Variants in ZNF646 observed in about 807,000 individuals in gnomAD.
The protein encoded by ZNF646 is zinc finger protein 646.
A neutral mutation model predicts 115.4 loss-of-function variants in ZNF646; 49 were observed. That is an observed-to-expected ratio of 0.42 (90% CI 0.34 to 0.54). The LOEUF is 0.54. Among genes scored for constraint, ZNF646 ranks in the 20% least tolerant of loss-of-function variants. The pLI is 0.04. For missense variants in ZNF646, 2,269 were observed against 2,457.9 expected, an observed-to-expected ratio of 0.92 and a Z score of 1.62; for synonymous variants, 933 against 939.0, an observed-to-expected ratio of 0.99 and a Z score of 0.12.
rs2057089211 is a variant in ZNF646, at chr16:31,077,242, C to G, written c.918C>G (p.Pro306=). ...CPHCPRVFRL[P]RELLEHQQSH... ...ACTGCCCCCGTGTCTTCCGGCTCCC[C>G]CGGGAGCTGCTGGAACACCAGCAGT... Residue 306 remains proline, a synonymous_variant, in exon 2 of 3, where the codon CCC becomes CCG. Transcript: ENST00000300850. The G allele has an allele frequency of 1.9e-6, 3 of 1,614,152 alleles. No homozygotes were observed. Among genetic ancestry groups the G allele is most frequent in the Admixed American group, 1.7e-5 (1 of 60,028 alleles).
In ZNF646 at chr16:31,080,566, G is replaced by A; in HGVS notation, c.4242G>A (p.Gln1414=). 6.2e-7 allele frequency: 1 copy of A among 1,614,106 alleles called. No individual in the cohort carries two copies. ...GTGAGGCGAACCTGACTGGCAGCCA[G>A]GGACTAGAGACCCAATTGGGTGGTG... is the stretch of plus-strand genomic sequence containing the variant. ...AASEANLTGS[Q]GLETQLGGAE... Residue 1414 remains glutamine (Q), a synonymous_variant, in exon 2 of 3, where the codon CAG becomes CAA. Transcript: ENST00000300850.
chr16:31,080,359 G>A lies in ZNF646; in HGVS notation c.4035G>A (p.Gln1345=). 6.2e-7 allele frequency: 1 copy of A among 1,613,554 alleles called. No individual in the cohort carries two copies. Among genetic ancestry groups the A allele is most frequent in the Non-Finnish European group, 8.5e-7 (1 of 1,179,910 alleles). Residue 1345 remains glutamine (Q), a synonymous_variant, in exon 2 of 3, where the codon CAG becomes CAA. Transcript: ENST00000300850. ...YSNRMALKDH[Q]RLHSENRRRR... ...ACCGCATGGCCCTGAAGGACCACCA[G>A]AGGCTGCACTCAGAGAATCGGCGGC...
Position 31,078,538 on chromosome 16 carries a change from A to G in ZNF646, c.2214A>G (p.Lys738=). The change falls in exon 2 of 3, where the codon AAA becomes AAG. Residue 738 remains lysine, a synonymous_variant. Transcript: ENST00000300850. The part of the protein sequence containing the change: ...DCLQAESEGD[K]CGLERDETHF... ...TGCAGGCTGAATCTGAAGGGGACAA[A>G]TGTGGGCTTGAGAGGGATGAGACCC... is the stretch of plus-strand genomic sequence containing the variant. The G allele has an allele frequency of 6.3e-7, 1 of 1,599,930 alleles. No homozygotes were observed. Among genetic ancestry groups the G allele is most frequent in the Admixed American group, 1.7e-5 (1 of 59,508 alleles).
At position 31,077,591 on chromosome 16, in the gene ZNF646, C is replaced by A; in HGVS notation, c.1267C>A (p.His423Asn). The A allele has an allele frequency of 6.2e-7, 1 of 1,613,626 alleles. No homozygotes were observed. The highest frequency in any genetic ancestry group is 8.5e-7 in the Non-Finnish European group (1 of 1,179,856). ...TGCCCTCAAAAACCATGTGCGGGCTCATCACAGGCCCAGGCAAGGAGTTGG... is the reference window on the plus strand; with the variant it reads ...TGCCCTCAAAAACCATGTGCGGGCTAATCACAGGCCCAGGCAAGGAGTTGG... ...AAALKNHVRAHHRPRQGVGEN... is the reference protein window; with the variant it reads ...AAALKNHVRANHRPRQGVGEN... Residue 423 changes from histidine (H) to asparagine (N), a missense_variant, in exon 2 of 3, where the codon CAT becomes AAT. Coordinates refer to ENST00000300850, the MANE Select transcript of ZNF646 (RefSeq NM_014699.4).
rs963438931 is a variant in ZNF646, at chr16:31,083,504, T to A, written c.*412T>A. 2 of 1,334,184 alleles carry A rather than the reference T, an allele frequency of 1.5e-6. No homozygotes were observed. Among genetic ancestry groups the A allele is most frequent in the Non-Finnish European group, 1.9e-6 (2 of 1,038,662 alleles). The allele number at this position is 1,334,184 out of a possible 1,614,324, so 82.6% of individuals were successfully genotyped here. A position where few individuals can be genotyped will look rare whatever the true frequency, so the allele number is the denominator to read the frequency against. The stretch of plus-strand genomic sequence containing the variant: ...TGCTGCCCCCCAAAAAAAGAAATTT[T>A]CAAAACAACGTGGCTGGCGTGATTG... On this transcript the variant is annotated 3_prime_UTR_variant, in exon 3 of 3. Coordinates refer to ENST00000300850, the MANE Select transcript of ZNF646 (RefSeq NM_014699.4).
rs1364662244 is a variant in ZNF646, at chr16:31,074,588, AG to A, written c.-122del. 1 of 151,956 alleles carries A rather than the reference AG, an allele frequency of 6.6e-6. No individual in the cohort carries two copies. Among genetic ancestry groups the A allele is most frequent in the Non-Finnish European group, 1.5e-5 (1 of 68,058 alleles). 9.4% of individuals were successfully genotyped at this position (151,956 alleles called of 1,614,324 possible). On this transcript the variant is annotated 5_prime_UTR_variant, in exon 1 of 3. Coordinates refer to ENST00000300850, the MANE Select transcript of ZNF646 (RefSeq NM_014699.4). ...GAGTGTGCGTGTGTGGGAGCGCGAG[AG>A]CCCCCCGACAGCCACCCCTTGGGGC...
chr16:31,081,641 C>T lies in ZNF646; in HGVS notation c.5317C>T (p.Arg1773Ter), dbSNP rs149713496. ...CCATTGTCCCCGCCACTTCCGCCGC[C>T]GAATCAGCTTCGTGCAGCACCAGCA... ...CPHCPRHFRR[R>*]ISFVQHQQQH... The change falls in exon 2 of 3, where the codon CGA becomes TGA. Residue 1773 changes from arginine (R) to a stop codon, truncating the protein, a stop_gained. Coordinates refer to ENST00000300850, the MANE Select transcript of ZNF646 (RefSeq NM_014699.4). LOFTEE classifies it high-confidence loss of function. The T allele has an allele frequency of 8.1e-6, 13 of 1,608,116 alleles. No individual in the cohort carries two copies. The highest frequency in any genetic ancestry group is 2.2e-5 in the East Asian group (1 of 44,758).
chr16:31,079,407 C>G lies in ZNF646; in HGVS notation c.3083C>G (p.Ala1028Gly). 1 of 1,614,074 alleles carries G rather than the reference C, an allele frequency of 6.2e-7. No homozygotes were observed. The change falls in exon 2 of 3, where the codon GCA becomes GGA. Residue 1028 changes from alanine to glycine, a missense_variant. Ala to Gly is a moderately conservative substitution (Grantham distance 60). Around this residue, in one of 5 missense-constraint regions of ZNF646, gnomAD observed 1,062 missense variants for 1,172.8 expected, o/e 0.91. Coordinates refer to ENST00000300850, the MANE Select transcript of ZNF646 (RefSeq NM_014699.4). The surrounding 1 kb of genome is among the most constrained non-coding windows in gnomAD (Gnocchi z 5.5). ...GGAGATGCCAAGTCTCAAGAGGGAGCAGGCACCCCCTTGGGAGACAGCCTC... is the reference window on the plus strand; with the variant it reads ...GGAGATGCCAAGTCTCAAGAGGGAGGAGGCACCCCCTTGGGAGACAGCCTC... ...EGGDAKSQEGAGTPLGDSLCI... is the reference protein window; with the variant it reads ...EGGDAKSQEGGGTPLGDSLCI...
chr16:31,080,041 C>T lies in ZNF646; in HGVS notation c.3717C>T (p.Phe1239=), dbSNP rs759059801. ...GCTGTCAGGCCTGCTCCAAGGGCTT[C>T]TCAAACCTCATGTCCCTCAAGAACC... ...HFGCQACSKG[F]SNLMSLKNHR... The change falls in exon 2 of 3, where the codon TTC becomes TTT. Residue 1239 remains phenylalanine (F), a synonymous_variant. Coordinates refer to ENST00000300850, the MANE Select transcript of ZNF646 (RefSeq NM_014699.4). The T allele has an allele frequency of 6.2e-7, 1 of 1,609,894 alleles. No homozygotes were observed. The highest frequency in any genetic ancestry group is 8.5e-7 in the Non-Finnish European group (1 of 1,177,302).
In ZNF646 at chr16:31,079,773, A is replaced by G; in HGVS notation, c.3449A>G (p.Glu1150Gly). Residue 1150 changes from glutamate to glycine, a missense_variant, in exon 2 of 3, where the codon GAG becomes GGG. Physicochemically the swap from Glu to Gly is moderately conservative, Grantham distance 98. This residue lies in a region of ZNF646 where 1,062 missense variants were observed against 1,172.8 expected (regional missense o/e 0.91). Transcript: ENST00000300850. This position sits in a 1 kb window ranked among gnomAD's most constrained non-coding sequence, Gnocchi z 5.5. ...AEEGPGQAEV[E>G]KLQEELKVEP... The stretch of plus-strand genomic sequence containing the variant: ...GAGGGGCCGGGGCAAGCAGAAGTCG[A>G]GAAGCTCCAGGAAGAACTTAAAGTG... The G allele has an allele frequency of 6.2e-7, 1 of 1,613,594 alleles. No individual in the cohort carries two copies. The highest frequency in any genetic ancestry group is 8.5e-7 in the Non-Finnish European group (1 of 1,179,942).
Position 31,083,771 on chromosome 16 carries a change from A to G in ZNF646, c.*679A>G. The stretch of plus-strand genomic sequence containing the variant: ...TGCCTGCCTGCATTCTCTTGTCCTG[A>G]GAATGGCCAGGTCCCCTGTCAGCAG... On this transcript the variant is annotated 3_prime_UTR_variant, in exon 3 of 3. Transcript: ENST00000300850. 1 of 1,614,104 alleles carries G rather than the reference A, an allele frequency of 6.2e-7. No homozygotes were observed. The highest frequency in any genetic ancestry group is 8.5e-7 in the Non-Finnish European group (1 of 1,179,994).
At position 31,083,212 on chromosome 16, in the gene ZNF646, A is replaced by G. The variant is rs1207239023; in HGVS notation, c.*120A>G. On this transcript the variant is annotated 3_prime_UTR_variant, in exon 3 of 3. Transcript: ENST00000300850. ...CATATCTTCTCCTCTCCCCTTGTGAAGAGGACCCAGATCTGGCTTCTTTCC... is the reference window on the plus strand; with the variant it reads ...CATATCTTCTCCTCTCCCCTTGTGAGGAGGACCCAGATCTGGCTTCTTTCC... The G allele has an allele frequency of 4.0e-5, 56 of 1,410,932 alleles. No homozygotes were observed. The highest frequency in any genetic ancestry group is 5.2e-5 in the Non-Finnish European group (55 of 1,061,330). 87.4% of individuals were successfully genotyped at this position (1,410,932 alleles called of 1,614,324 possible).
At position 31,077,132 on chromosome 16, in the gene ZNF646, A is replaced by G. The variant is rs2057087765; in HGVS notation, c.808A>G (p.Ile270Val). The part of the protein sequence containing the change: ...SHTLGIYPCA[I>V]CFKEFSNLMA... ...CACGCTGGGCATCTACCCCTGTGCC[A>G]TCTGTTTCAAGGAGTTCTCTAACCT... The change falls in exon 2 of 3, where the codon ATC (isoleucine) becomes GTC (valine). Residue 270 changes from isoleucine to valine, a missense_variant. By Grantham distance (29) the Ile-to-Val change is conservative (BLOSUM62 3). Transcript: ENST00000300850. The G allele has an allele frequency of 1.2e-6, 2 of 1,614,138 alleles. No homozygotes were observed. Among genetic ancestry groups the G allele is most frequent in the East Asian group, 2.2e-5 (1 of 44,874 alleles).
rs749765513 is a variant in ZNF646 at position 31,077,854 on chromosome 16, C to T, written c.1530C>T (p.His510=). The change falls in exon 2 of 3, where the codon CAC becomes CAT. Residue 510 remains histidine (H), a synonymous_variant. Coordinates refer to ENST00000300850, the MANE Select transcript of ZNF646 (RefSeq NM_014699.4). Reference sequence around the variant, plus strand: ...CCAATCTCATGGCCCTGCGCAACCACGTGCGGGTACATTGCAAGGCTGCTC... The same window carrying T: ...CCAATCTCATGGCCCTGCGCAACCATGTGCGGGTACATTGCAAGGCTGCTC... ...KYPNLMALRN[H]VRVHCKAARR... is the part of the protein sequence containing the mutation. 5.6e-6 allele frequency: 9 copies of T among 1,613,698 alleles called. No homozygotes were observed. The highest frequency in any genetic ancestry group is 1.7e-5 in the Admixed American group (1 of 59,994).
In ZNF646 at chr16:31,079,370, T is replaced by C. The variant is rs1199951290; in HGVS notation, c.3046T>C (p.Ser1016Pro). 1.2e-6 allele frequency: 2 copies of C among 1,614,046 alleles called. No individual in the cohort carries two copies. The highest frequency in any genetic ancestry group is 2.2e-5 in the South Asian group (2 of 91,070). ...CTTGGAGGACATAGTGAATTCTGTC[T>C]CTGGAGAGGGTGGAGATGCCAAGTC... Reference protein sequence around the residue: ...SVLEDIVNSVSGEGGDAKSQE... With the variant: ...SVLEDIVNSVPGEGGDAKSQE... The change falls in exon 2 of 3, where the codon TCT becomes CCT. Residue 1016 changes from serine to proline, a missense_variant. Transcript: ENST00000300850. This position sits in a 1 kb window ranked among gnomAD's most constrained non-coding sequence, Gnocchi z 5.5.
chr16:31,082,540 A>C, intron 2 of ZNF646: 2 of 225,572 alleles, frequency 8.9e-6, no homozygotes, highest in African/African-American at 2.4e-5. Context: ...TCCGTGGGGA[A>C]TCGCCTCCAC....
At chr16:31,074,179 C>T (rs1054228555), upstream of ZNF646, 1 of 152,246 alleles carries the variant, frequency 6.6e-6, no homozygotes, top group Non-Finnish European at 1.5e-5. Flanking sequence ...CTTTTTCTCC[C>T]TTTCTGCGCC....
chr16:31,073,871 C>T (rs765438475), upstream of ZNF646: 4 of 152,174 alleles, frequency 2.6e-5, no homozygotes, highest in Non-Finnish European at 5.9e-5. Context: ...AGAGAAGCAT[C>T]TTGCAAGAGG....
At chr16:31,081,794 A>G (rs1415917246) in intron 2 of ZNF646, 93 bp downstream of exon 2, 7 of 1,453,030 alleles carry the variant, frequency 4.8e-6, no homozygotes, top group Admixed American at 5.5e-5. Context: ...GAGTGAGAGG[A>G]GAGAGCCCCG....
Sources: gnomAD v4.1 joint callset for allele counts on GRCh38, gnomAD v4.1.1 for gene constraint, gnomAD v4.1.1 regional missense constraint, Gnocchi (gnomAD v3.1) non-coding constraint, MANE v1.5 for transcripts, NCBI Gene and HGNC (gene_info 2026-07-23, HGNC 2026-07-21) for gene names.